The following ESRRB variants were observed in gnomAD, a reference collection of about 807,000 sequenced individuals.
The protein encoded by ESRRB is steroid hormone receptor ERR2.
Under a neutral mutation model 46.0 loss-of-function variants are expected in ESRRB, and 16 were observed. The observed-to-expected ratio is 0.35, with a 90% CI of 0.24 to 0.53. ESRRB has a LOEUF of 0.53. ESRRB is among the 20% of genes least tolerant of loss of function. The probability of loss-of-function intolerance (pLI) is 0.93; values close to 1 mark genes in which losing one functional copy is unlikely to be tolerated. For synonymous variants in ESRRB, 246 were observed against 259.6 expected, an observed-to-expected ratio of 0.95 and a Z score of 0.50; for missense variants, 488 against 607.4, an observed-to-expected ratio of 0.80 and a Z score of 2.07.
intron 1 of ESRRB, among the ~76,000 whole-genome samples, chr14:76,334,497 G>A (rs1424318746): frequency 1.3e-5 from 2 of 152,264 alleles, no homozygotes; most frequent in East Asian, 3.9e-4. Context: ...AGCTGGAGGG[G>A]GAATATTAAT....
At chr14:76,469,926 G>GTTTTTTTTTTTTTTTTTTTT (rs1356927268) in intron 3 of ESRRB, among the ~76,000 whole-genome samples, 4 of 67,640 alleles carry the variant, frequency 5.9e-5, no homozygotes, top group Admixed American at 1.4e-4. Flanking sequence ...TGTGTTTTTT[G>GTTTTTTTTTTTTTTTTTTTT]TTGTTTTTTT....
chr14:76,411,760 T>C (rs1355452664), intron 1 of ESRRB, among the ~76,000 whole-genome samples: 2 of 152,172 alleles, frequency 1.3e-5, no homozygotes, highest in East Asian at 3.8e-4. Context: ...TGGTAATCTC[T>C]CAATAAATAT....
At chr14:76,463,445 G>GTTTTTTTTGTTTTGTTTTTTTTTTTTTTT (rs1362309981) in intron 3 of ESRRB, 1 of 114,738 alleles carries the variant, frequency 8.7e-6, no homozygotes, top group African/African-American at 3.7e-5. Context: ...ATGCTTCTTT[G>GTTTTTTTTGTTTTGTTTTTTTTTTTTTTT]TTTTTTTTTT....
Position 76,498,392 on chromosome 14 carries a change from C to T in ESRRB, c.1299C>T (p.Ser433=), listed in dbSNP as rs754937579. The T allele has an allele frequency of 9.3e-6, 15 of 1,613,342 alleles. No individual in the cohort carries two copies. Among genetic ancestry groups the T allele is most frequent in the South Asian group, 4.4e-5 (4 of 91,076 alleles). Reference sequence around the variant, plus strand: ...CCAAGGCCGTGCAGCACTTCTATAGCGTCAAACTGCAGGGCAAAGTGCCCA... The same window carrying T: ...CCAAGGCCGTGCAGCACTTCTATAGTGTCAAACTGCAGGGCAAAGTGCCCA... The part of the protein sequence containing the change: ...TAAKAVQHFY[S]VKLQGKVPMH... Residue 433 remains serine (S), a synonymous_variant, in exon 7 of 7, where the codon AGC becomes AGT. Transcript: ENST00000644823.
At chr14:76,447,625 C>T (rs1168652485) in intron 2 of ESRRB, among the ~76,000 whole-genome samples, 1 of 152,118 alleles carries the variant, frequency 6.6e-6, no homozygotes, top group African/African-American at 2.4e-5. Context: ...ACCATTTCTC[C>T]TTGTGTTCCC....
chr14:76,358,328 AAAGAAAGAAAGAAAGAAAG>A (rs1566859613), intron 1 of ESRRB, among the ~76,000 whole-genome samples: 948 of 38,318 alleles, frequency 0.025, 136 homozygotes, highest in South Asian at 0.039. Context: ...AAAAAAAAAG[AAAGAAAGAAAGAAAGAAAG>A]AAAGAAAGAA....
chr14:76,458,429 C>CACAT (rs1555399647), intron 2 of ESRRB, among the ~76,000 whole-genome samples: 1 of 84,912 alleles, frequency 1.2e-5, no homozygotes, highest in Non-Finnish European at 2.0e-5. Context: ...CTCTCTGACA[C>CACAT]ACACACACAC....
chr14:76,381,739 G>A (rs1033934719), intron 1 of ESRRB, among the ~76,000 whole-genome samples: 8 of 152,084 alleles, frequency 5.3e-5, no homozygotes, highest in East Asian at 1.9e-4. Flanking sequence ...GTGACTGTTC[G>A]CTGGCTCCTG....
Position 76,499,118 on chromosome 14 carries a change from C to T in ESRRB, c.*660C>T, listed in dbSNP as rs1290107788. On this transcript the variant is annotated 3_prime_UTR_variant, in exon 7 of 7. Coordinates refer to ENST00000644823, the MANE Select transcript of ESRRB (RefSeq NM_001379180.1). Reference sequence around the variant, plus strand: ...ACCCCCCTGCCTGTCACCCACCGCGCCGGTGTCCACCTGTCCTCCTCCTCT... The same window carrying T: ...ACCCCCCTGCCTGTCACCCACCGCGTCGGTGTCCACCTGTCCTCCTCCTCT... 2.4e-5 allele frequency: 8 copies of T among 330,550 alleles called. No homozygotes were observed. In the Admixed American group the frequency reaches 3.5e-4, roughly 14 times the overall value. 20.5% of individuals were successfully genotyped at this position (330,550 alleles called of 1,614,324 possible). A position where few individuals can be genotyped will look rare whatever the true frequency, so the allele number is the denominator to read the frequency against.
intron 1 of ESRRB, among the ~76,000 whole-genome samples, chr14:76,347,266 A>T (rs1035469973): frequency 2.6e-5 from 4 of 152,152 alleles, no homozygotes; most frequent in African/African-American, 9.7e-5. Context: ...GTGGGAAAAG[A>T]TTACTATTGT....
intron 1 of ESRRB, among the ~76,000 whole-genome samples, chr14:76,358,396 A>AG (rs1566859702): frequency 4.6e-4 from 63 of 136,116 alleles, no homozygotes; most frequent in African/African-American, 1.7e-3. Flanking sequence ...AGAAAGAAAG[A>AG]AAGAAAGAAA....
chr14:76,398,743 C>A (rs1486831724), intron 1 of ESRRB, among the ~76,000 whole-genome samples: 3 of 152,162 alleles, frequency 2.0e-5, no homozygotes, highest in African/African-American at 7.2e-5. Flanking sequence ...CTTGTGACAA[C>A]CCTGTGAGGT....
At chr14:76,327,254 G>A (rs1441151034) in intron 1 of ESRRB, among the ~76,000 whole-genome samples, 5 of 152,236 alleles carry the variant, frequency 3.3e-5, no homozygotes, top group Admixed American at 2.6e-4. Flanking sequence ...GGGGTGGGCT[G>A]AGCCACTGGT....
At chr14:76,479,971 G>A (rs1329312623) in intron 3 of ESRRB, among the ~76,000 whole-genome samples, 7 of 152,184 alleles carry the variant, frequency 4.6e-5, no homozygotes, top group Admixed American at 2.0e-4. Context: ...GGGTTCAAGC[G>A]ATCCTTGTGC....
chr14:76,445,669 T>C (rs1482150849), intron 2 of ESRRB, among the ~76,000 whole-genome samples: 1 of 150,718 alleles, frequency 6.6e-6, no homozygotes, highest in Non-Finnish European at 1.5e-5. Context: ...ACCGAGTCAT[T>C]CCTTCTCCAC....
intron 1 of ESRRB, among the ~76,000 whole-genome samples, chr14:76,350,257 C>T (rs768968596): frequency 2.0e-5 from 3 of 152,228 alleles, no homozygotes; most frequent in Non-Finnish European, 4.4e-5. Flanking sequence ...TGTCCGCCCT[C>T]AAGCCAGCCA....
At position 76,388,948 on chromosome 14, in the gene ESRRB, G is replaced by A. The variant is rs138108512; in HGVS notation, c.50+12497G>A. Reference sequence around the variant, plus strand: ...ACCTTGGTGCCCGTCTTGGATTCCCGCAGGCACCACACAGCAGCACGTGCA... The same window carrying A: ...ACCTTGGTGCCCGTCTTGGATTCCCACAGGCACCACACAGCAGCACGTGCA... On this transcript the variant is annotated intron_variant, in intron 1 of 6. Transcript: ENST00000644823. Among the ~76,000 whole-genome samples the A allele has an allele frequency of 7.7e-3, 1,165 of 152,162 alleles. 11 individuals are homozygous for A. The highest frequency in any genetic ancestry group is 0.011 in the Non-Finnish European group (757 of 68,010).
At chr14:76,440,683 TTCTC>T (rs897969590) in intron 2 of ESRRB, among the ~76,000 whole-genome samples, 6 of 151,436 alleles carry the variant, frequency 4.0e-5, no homozygotes, top group Non-Finnish European at 7.4e-5. Flanking sequence ...CTTCCTTCCT[TTCTC>T]TCTCTCACTC....
In ESRRB at chr14:76,498,620, G is replaced by A. The variant is rs1004236773; in HGVS notation, c.*162G>A. ...ACCTCCTGGCTGTGTGCAGACTCCC[G>A]GGTGCAGTGGGGTGGGGGACGGGGA... On this transcript the variant is annotated 3_prime_UTR_variant, in exon 7 of 7. Transcript: ENST00000644823. The A allele has an allele frequency of 2.8e-4, 394 of 1,425,500 alleles. No individual in the cohort carries two copies. The highest frequency in any genetic ancestry group is 1.3e-3 in the African/African-American group (88 of 70,162). The allele number at this position is 1,425,500 out of a possible 1,614,324, so 88.3% of individuals were successfully genotyped here.
Sources: gnomAD v4.1 joint callset for allele counts (sites outside exome capture counted in the v4.1 genomes callset) on GRCh38, gnomAD v4.1.1 for gene constraint, MANE v1.5 for transcripts, NCBI Gene and HGNC (gene_info 2026-07-23, HGNC 2026-07-21) for gene names.